Variants in PNPT1 observed in about 807,000 individuals in gnomAD.
PNPT1 encodes polyribonucleotide nucleotidyltransferase 1.
Under a neutral mutation model 119.5 loss-of-function variants are expected in PNPT1, and 53 were observed. The observed-to-expected ratio is 0.44, with a 90% CI of 0.36 to 0.56. The LOEUF (loss-of-function observed/expected upper bound fraction) is 0.56. Ranked by LOEUF, PNPT1 falls within the 20% of genes least tolerant of loss-of-function variation. The pLI is 0.00. For synonymous variants in PNPT1, 357 were observed against 322.1 expected (o/e 1.11, Z -1.16); for missense variants, 948 against 938.5 (o/e 1.01, Z -0.13).
chr2:55,679,523 T>C (rs975149133), intron 8 of PNPT1, among the ~76,000 whole-genome samples, 159 bp downstream of exon 8: 1 of 152,174 alleles, frequency 6.6e-6, no homozygotes, highest in Admixed American at 6.6e-5. Flanking sequence ...TTAGGAATCA[T>C]TTGATATGAA....
chr2:55,690,948 T>A (rs941862327), intron 1 of PNPT1, among the ~76,000 whole-genome samples: 9 of 152,234 alleles, frequency 5.9e-5, no homozygotes, highest in Admixed American at 5.9e-4. Context: ...AGTAATGGTT[T>A]CATGAGGCAA....
chr2:55,667,735 A>G, intron 12 of PNPT1, 127 bp downstream of exon 12: 1 of 1,267,146 alleles, frequency 7.9e-7, no homozygotes, highest in Non-Finnish European at 1.1e-6. Flanking sequence ...CCATTTATAT[A>G]GCAAATATTA....
intron 4 of PNPT1, among the ~76,000 whole-genome samples, chr2:55,684,132 T>C (rs1025072241): frequency 4.6e-5 from 7 of 152,162 alleles, no homozygotes; most frequent in African/African-American, 1.4e-4. Flanking sequence ...TTAAGACCAA[T>C]AGCAGACCAA....
At chr2:55,667,327 G>C (rs1696765381) in intron 12 of PNPT1, among the ~76,000 whole-genome samples, 2 of 152,280 alleles carry the variant, frequency 1.3e-5, no homozygotes, top group East Asian at 1.9e-4. Flanking sequence ...GGGCGCGGTG[G>C]CTCATGCCTA....
intron 1 of PNPT1, among the ~76,000 whole-genome samples, chr2:55,689,386 T>G (rs1402018644): frequency 6.6e-6 from 1 of 152,208 alleles, no homozygotes; most frequent in African/African-American, 2.4e-5. Context: ...TCACAGTGAA[T>G]ACCACTTGAC....
intron 3 of PNPT1, among the ~76,000 whole-genome samples, chr2:55,685,594 A>G (rs1234127779): frequency 6.6e-6 from 1 of 152,146 alleles, no homozygotes; most frequent in Non-Finnish European, 1.5e-5. Context: ...TTTGCCACAG[A>G]TGCTCATTCT....
intron 9 of PNPT1, 143 bp from the exon 10 acceptor site, chr2:55,672,189 T>C: frequency 1.5e-6 from 1 of 648,006 alleles, no homozygotes; most frequent in Non-Finnish European, 2.6e-6. Flanking sequence ...TTTATATTGC[T>C]ATTTATCATT....
intron 26 of PNPT1, among the ~76,000 whole-genome samples, chr2:55,638,860 T>C (rs1695756203): frequency 6.6e-6 from 1 of 151,906 alleles, no homozygotes; most frequent in Non-Finnish European, 1.5e-5. Context: ...CTGCAACCTC[T>C]TCCTCCCAGG....
intron 3 of PNPT1, among the ~76,000 whole-genome samples, chr2:55,685,368 C>CA (rs1416961613): frequency 2.0e-5 from 3 of 149,158 alleles, no homozygotes; most frequent in Admixed American, 6.7e-5. Context: ...CTACCCCCAA[C>CA]AAAAAAAAAA....
intron 18 of PNPT1, 91 bp from the exon 19 acceptor site, chr2:55,647,544 G>C: frequency 1.1e-6 from 1 of 884,840 alleles, no homozygotes; most frequent in Admixed American, 2.7e-5. Flanking sequence ...TTTTGAGAGG[G>C]AGTCTCGGTC....
intron 11 of PNPT1, among the ~76,000 whole-genome samples, chr2:55,670,442 G>A (rs562669804): frequency 6.7e-6 from 1 of 149,532 alleles, no homozygotes; most frequent in East Asian, 2.0e-4. Context: ...TGCCTCGGCC[G>A]CCCAAAGTGC....
At chr2:55,693,428 T>A (rs1426944286) in intron 1 of PNPT1, among the ~76,000 whole-genome samples, 1 of 150,366 alleles carries the variant, frequency 6.7e-6, no homozygotes. Flanking sequence ...ACGGACAGAG[T>A]CGGATGGAGC....
chr2:55,679,597 C>T (rs1164189680), intron 8 of PNPT1, 85 bp downstream of exon 8: 8 of 976,028 alleles, frequency 8.2e-6, no homozygotes, highest in Non-Finnish European at 1.1e-5. Flanking sequence ...ACCGACAAAA[C>T]ATACACACAG....
At chr2:55,638,086 G>C (rs1279554002) in intron 26 of PNPT1, among the ~76,000 whole-genome samples, 1 of 150,904 alleles carries the variant, frequency 6.6e-6, no homozygotes, top group Non-Finnish European at 1.5e-5. Flanking sequence ...CAGATCACTT[G>C]AGCTCCGGAG....
intron 2 of PNPT1, 116 bp from the exon 3 acceptor site, chr2:55,686,560 G>C: frequency 1.4e-6 from 1 of 697,082 alleles, no homozygotes; most frequent in Non-Finnish European, 2.4e-6. Context: ...CTAATTCTAC[G>C]ACACGATTAT....
chr2:55,687,635 G>A lies in PNPT1; in HGVS notation c.222+10C>T, dbSNP rs1466329364. ...TTTTAAGATGAATTTTAAAAATCTG[G>A]ACTTTTTACCTGTACTACAGCAGAG... On this transcript the variant is annotated intron_variant, in intron 2 of 27. Coordinates refer to ENST00000447944, the MANE Select transcript of PNPT1 (RefSeq NM_033109.5). The A allele has an allele frequency of 1.3e-6, 2 of 1,559,566 alleles. No individual in the cohort carries two copies. Among genetic ancestry groups the A allele is most frequent in the South Asian group, 1.2e-5 (1 of 82,798 alleles).
chr2:55,671,985 G>A lies in PNPT1; in HGVS notation c.918+10C>T, dbSNP rs1274612455. On this transcript the variant is annotated intron_variant, in intron 10 of 27. Coordinates refer to ENST00000447944, the MANE Select transcript of PNPT1 (RefSeq NM_033109.5). ...GGCAATTATGGAAGACAAAACTCAG[G>A]TATACCTACTTTGTCATGCTCGTAA... 1.3e-6 allele frequency: 2 copies of A among 1,586,690 alleles called. No homozygotes were observed. The highest frequency in any genetic ancestry group is 1.7e-6 in the Non-Finnish European group (2 of 1,165,350).
Position 55,652,179 on chromosome 2 carries a change from TTTG to T in PNPT1, c.1495+2718_1495+2720del, listed in dbSNP as rs1696232064. ...TACCTCTTCAATCTATTAGTATCTT[TTTG>T]TTTTCAAACCTTTAAGCTTTTTCAA... On this transcript the variant is annotated intron_variant, in intron 18 of 27. Coordinates refer to ENST00000447944, the MANE Select transcript of PNPT1 (RefSeq NM_033109.5). Among the ~76,000 whole-genome samples the T allele has an allele frequency of 3.4e-4, 39 of 113,378 alleles. No individual in the cohort carries two copies. In the Admixed American group the frequency reaches 3.6e-3, roughly 10 times the overall value. 74.4% of individuals were successfully genotyped at this position (113,378 alleles called of 152,430 possible).
chr2:55,656,188 T>G lies in PNPT1; in HGVS notation c.1384A>C (p.Ile462Leu). 6.2e-7 allele frequency: 1 copy of G among 1,613,506 alleles called. No homozygotes were observed. The change falls in exon 17 of 28, where the codon ATT (isoleucine) becomes CTT (leucine). Residue 462 changes from isoleucine (I) to leucine (L), a missense_variant. Coordinates refer to ENST00000447944, the MANE Select transcript of PNPT1 (RefSeq NM_033109.5). ...ALAEKALYPV[I>L]PRDFPFTIRV... is the part of the protein sequence containing the mutation. ...ATGGTGAAAGGAAAATCTCGGGGAA[T>G]AACAGGATACAAAGCTTTCTCAGCA... is the stretch of plus-strand genomic sequence containing the variant.
Sources: allele counts gnomAD v4.1 joint callset (sites outside exome capture counted in the v4.1 genomes callset), GRCh38; gene constraint gnomAD v4.1.1; transcripts MANE v1.5; gene names NCBI Gene and HGNC (gene_info 2026-07-23, HGNC 2026-07-21).